The following JPH3 variants were observed in gnomAD, a reference collection of about 807,000 sequenced individuals.
The protein encoded by JPH3 is junctophilin-3.
In JPH3, 11 loss-of-function variants were observed where a neutral mutation model predicts 59.6. The ratio of observed to expected loss-of-function variants is 0.18; its 90% CI spans 0.12 to 0.31. JPH3 has a LOEUF of 0.31. JPH3 is among the 10% of genes least tolerant of loss of function. The probability of loss-of-function intolerance (pLI) is 1.00; values close to 1 mark genes in which losing one functional copy is unlikely to be tolerated. For synonymous variants in JPH3, 673 were observed against 483.6 expected, an observed-to-expected ratio of 1.39 and a Z score of -5.14; for missense variants, 1,202 against 1,105.7, an observed-to-expected ratio of 1.09 and a Z score of -1.24.
chr16:87,616,691 C>T (rs554144449), intron 1 of JPH3, among the ~76,000 whole-genome samples: 8 of 152,158 alleles, frequency 5.3e-5, no homozygotes, highest in Non-Finnish European at 1.2e-4. Flanking sequence ...GATGACATGT[C>T]GGAACCGGAT....
chr16:87,678,771 AGAG>A (rs879283277), intron 2 of JPH3, among the ~76,000 whole-genome samples: 32 of 152,310 alleles, frequency 2.1e-4, no homozygotes, highest in South Asian at 4.1e-4. Flanking sequence ...GTGAGGCAGA[AGAG>A]GAGAGAGACA....
chr16:87,629,839 T>TA (rs1274389467), intron 1 of JPH3, among the ~76,000 whole-genome samples: 2 of 152,214 alleles, frequency 1.3e-5, no homozygotes, highest in Non-Finnish European at 2.9e-5. Flanking sequence ...GTTAATAATG[T>TA]ATCTGTCTTG....
intron 2 of JPH3, among the ~76,000 whole-genome samples, chr16:87,676,829 A>G (rs1301626508): frequency 2.0e-5 from 3 of 151,686 alleles, no homozygotes; most frequent in Admixed American, 2.0e-4. Flanking sequence ...TGAGGTCAGG[A>G]GTTCAAGTCC....
chr16:87,649,010 G>A (rs1003448808), intron 2 of JPH3, among the ~76,000 whole-genome samples: 4 of 152,182 alleles, frequency 2.6e-5, no homozygotes, highest in Non-Finnish European at 5.9e-5. Context: ...CATCACACAC[G>A]CAGCCACAAC....
chr16:87,627,238 G>A (rs2150832872), intron 1 of JPH3, among the ~76,000 whole-genome samples: 1 of 152,230 alleles, frequency 6.6e-6, no homozygotes, highest in Middle Eastern at 3.4e-3. Context: ...CACGTTGTGG[G>A]GCCCCAGCCC....
At chr16:87,646,245 C>G (rs1567597258) in intron 2 of JPH3, among the ~76,000 whole-genome samples, 1 of 152,228 alleles carries the variant, frequency 6.6e-6, no homozygotes, top group Admixed American at 6.5e-5. Context: ...TTTCAGTGAC[C>G]TTTGATCTAT....
Position 87,644,394 on chromosome 16 carries a change from C to T in JPH3, c.519C>T (p.Asn173=), listed in dbSNP as rs202182120. 7.4e-5 allele frequency: 120 copies of T among 1,612,722 alleles called. No homozygotes were observed. The highest frequency in any genetic ancestry group is 4.8e-4 in the Admixed American group (29 of 60,008). ...ACTCCCTGCGCAGCGAGCACACCAACGGCACGGCGCTGCATCCCGACGCCT... is the reference window on the plus strand; with the variant it reads ...ACTCCCTGCGCAGCGAGCACACCAATGGCACGGCGCTGCATCCCGACGCCT... ...SINSLRSEHT[N]GTALHPDASP... is the part of the protein sequence containing the mutation. The change falls in exon 2 of 5, where the codon AAC becomes AAT. Residue 173 remains asparagine, a synonymous_variant. Transcript: ENST00000284262.
At chr16:87,604,424 A>T in intron 1 of JPH3, 1 of 1,395,214 alleles carries the variant, frequency 7.2e-7, no homozygotes, top group Non-Finnish European at 9.5e-7. Flanking sequence ...CCTGACACGC[A>T]TGGAGCCGGT....
intron 1 of JPH3, among the ~76,000 whole-genome samples, chr16:87,610,009 T>G (rs1017083187): frequency 6.6e-6 from 1 of 152,214 alleles, no homozygotes; most frequent in Non-Finnish European, 1.5e-5. Context: ...CGGTCTCATC[T>G]GGGGGTGATG....
rs1158646524 is a variant in JPH3 at position 87,686,864 on chromosome 16, G to A, written c.1285+2598G>A. On this transcript the variant is annotated intron_variant, in intron 3 of 4. Transcript: ENST00000284262. ...GGGGCCGCTGTGATGGAGAGACGGG[G>A]CCGCTGCTGCCTCACTGGTGGGAGT... 4.6e-5 allele frequency among the ~76,000 whole-genome samples: 7 copies of A among 152,332 alleles called. No individual in the cohort carries two copies. In the East Asian group the frequency reaches 5.8e-4, roughly 13 times the overall value.
Position 87,689,669 on chromosome 16 carries a change from C to T in JPH3, c.1309C>T (p.Arg437Cys), listed in dbSNP as rs759077257. The T allele has an allele frequency of 4.3e-6, 7 of 1,612,044 alleles. No individual in the cohort carries two copies. The highest frequency in any genetic ancestry group is 1.6e-4 in the Middle Eastern group (1 of 6,080). The change falls in exon 4 of 5, where the codon CGT becomes TGT. Residue 437 changes from arginine (R) to cysteine (C), a missense_variant. By Grantham distance (180) the Arg-to-Cys change is radical. Transcript: ENST00000284262. ...ENGLEYQRPKRQTSCDDIEVL... is the reference protein window; with the variant it reads ...ENGLEYQRPKCQTSCDDIEVL... ...AGGGCTGGAGTACCAGAGGCCGAAG[C>T]GTCAGACCTCCTGTGACGACATCGA...
At chr16:87,689,233 T>C (rs912009503) in intron 3 of JPH3, among the ~76,000 whole-genome samples, 1 of 152,168 alleles carries the variant, frequency 6.6e-6, no homozygotes, top group Non-Finnish European at 1.5e-5. Flanking sequence ...GCGGCCTTGC[T>C]GTGACAGCTC....
intron 3 of JPH3, among the ~76,000 whole-genome samples, chr16:87,687,660 G>A (rs145953098): frequency 1.5e-3 from 232 of 152,324 alleles, no homozygotes; most frequent in African/African-American, 5.2e-3. Flanking sequence ...ACGAGGACCC[G>A]CCCTGCATCC....
intron 1 of JPH3, among the ~76,000 whole-genome samples, chr16:87,638,391 G>A (rs141315306): frequency 4.3e-4 from 65 of 152,352 alleles, no homozygotes; most frequent in African/African-American, 1.4e-3. Flanking sequence ...GGACCGTGGA[G>A]CACAGGGTGG....
rs536524828 is a variant in JPH3 at position 87,688,791 on chromosome 16, C to T, written c.1286-855C>T. Reference sequence around the variant, plus strand: ...TAACTGTTCCCCGGAGGGTAAGAAGCGCCGCGTTCTTGGGTTTCTCCTAAT... The same window carrying T: ...TAACTGTTCCCCGGAGGGTAAGAAGTGCCGCGTTCTTGGGTTTCTCCTAAT... On this transcript the variant is annotated intron_variant, in intron 3 of 4. Coordinates refer to ENST00000284262, the MANE Select transcript of JPH3 (RefSeq NM_020655.4). 7.2e-5 allele frequency among the ~76,000 whole-genome samples: 11 copies of T among 152,268 alleles called. No individual in the cohort carries two copies. In the South Asian group the frequency reaches 1.7e-3, roughly 23 times the overall value.
intron 1 of JPH3, among the ~76,000 whole-genome samples, chr16:87,635,112 C>T (rs1277857620): frequency 3.3e-5 from 5 of 152,148 alleles, no homozygotes; most frequent in Non-Finnish European, 7.4e-5. Context: ...CGGGGCCGCA[C>T]ATGAGTGAGT....
chr16:87,621,635 G>A (rs11866274), intron 1 of JPH3, among the ~76,000 whole-genome samples: 1 of 152,070 alleles, frequency 6.6e-6, no homozygotes, highest in Non-Finnish European at 1.5e-5. Context: ...GTGGATGCAG[G>A]CAGCCAAGCC....
intron 1 of JPH3, among the ~76,000 whole-genome samples, chr16:87,639,408 G>A (rs1374875359): frequency 1.3e-5 from 2 of 152,112 alleles, no homozygotes; most frequent in Non-Finnish European, 2.9e-5. Flanking sequence ...GGCAAACTGG[G>A]CACCTTCACT....
intron 2 of JPH3, among the ~76,000 whole-genome samples, chr16:87,653,324 C>T (rs2032387822): frequency 6.6e-6 from 1 of 152,192 alleles, no homozygotes; most frequent in South Asian, 2.1e-4. Context: ...CTTGGGGCCC[C>T]TGCCTGTCCC....
Sources: gnomAD v4.1 joint callset for allele counts (sites outside exome capture counted in the v4.1 genomes callset) on GRCh38, gnomAD v4.1.1 for gene constraint, MANE v1.5 for transcripts, NCBI Gene and HGNC (gene_info 2026-07-23, HGNC 2026-07-21) for gene names.